Variants in VAV3 observed in about 807,000 individuals in gnomAD.
The protein encoded by VAV3 is guanine nucleotide exchange factor VAV3.
A neutral mutation model predicts 131.2 loss-of-function variants in VAV3; 94 were observed. The ratio of observed to expected loss-of-function variants is 0.72; its 90% CI spans 0.61 to 0.85. VAV3 has a LOEUF of 0.85. Among genes scored for constraint, VAV3 ranks in the 40% least tolerant of loss-of-function variants. VAV3 has a pLI of 0.00. For missense variants in VAV3, 939 were observed against 1,002.7 expected, an observed-to-expected ratio of 0.94 and a Z score of 0.86; for synonymous variants, 349 against 342.0, an observed-to-expected ratio of 1.02 and a Z score of -0.22.
At chr1:107,638,051 C>T (rs1041411768) in intron 20 of VAV3, among the ~76,000 whole-genome samples, 2 of 152,130 alleles carry the variant, frequency 1.3e-5, no homozygotes, top group Non-Finnish European at 2.9e-5. Flanking sequence ...GAATAGAAGG[C>T]AATGTCCTCA....
At chr1:107,832,140 G>C (rs916715684) in intron 2 of VAV3, among the ~76,000 whole-genome samples, 1 of 152,206 alleles carries the variant, frequency 6.6e-6, no homozygotes, top group Non-Finnish European at 1.5e-5. Context: ...GCAAGGACTT[G>C]GCAGCCATGG....
rs578059894 is a variant in VAV3, at chr1:107,925,753, T to C, written c.204+38913A>G. Among the ~76,000 whole-genome samples, 278 of 152,180 alleles carry C rather than the reference T, an allele frequency of 1.8e-3. 2 individuals are homozygous for C. The highest frequency in any genetic ancestry group is 3.3e-3 in the Non-Finnish European group (227 of 68,014). On this transcript the variant is annotated intron_variant, in intron 1 of 26. Transcript: ENST00000370056. ...TGGGAAGATGAGCTCTGGAGATGAA[T>C]TGTGGTGATGATTGCACAACAATGT...
At chr1:107,691,776 T>A (rs1659440072) in intron 17 of VAV3, among the ~76,000 whole-genome samples, 1 of 152,170 alleles carries the variant, frequency 6.6e-6, no homozygotes, top group Non-Finnish European at 1.5e-5. Context: ...ACTGGCTTAA[T>A]ATAATTCTGA....
chr1:107,836,065 G>A (rs1434715028), intron 2 of VAV3, among the ~76,000 whole-genome samples: 1 of 152,140 alleles, frequency 6.6e-6, no homozygotes, highest in African/African-American at 2.4e-5. Context: ...CGAAAAGACA[G>A]GCACAAAATA....
chr1:107,902,732 G>T (rs1283302295), intron 1 of VAV3, among the ~76,000 whole-genome samples: 1 of 152,080 alleles, frequency 6.6e-6, no homozygotes, highest in Non-Finnish European at 1.5e-5. Context: ...GTATCAACAA[G>T]AGAGGGGAAG....
intron 15 of VAV3, among the ~76,000 whole-genome samples, chr1:107,710,185 C>T (rs1017727291): frequency 6.6e-6 from 1 of 152,156 alleles, no homozygotes; most frequent in African/African-American, 2.4e-5. Flanking sequence ...TGACCAATTA[C>T]AGAGCAAATA....
At chr1:107,842,454 T>C (rs1014999179) in intron 2 of VAV3, among the ~76,000 whole-genome samples, 3 of 152,202 alleles carry the variant, frequency 2.0e-5, no homozygotes, top group Non-Finnish European at 4.4e-5. Context: ...AAACAGTGTA[T>C]AGTTGGGCCT....
At chr1:107,939,786 G>A (rs1001312459) in intron 1 of VAV3, among the ~76,000 whole-genome samples, 4 of 152,106 alleles carry the variant, frequency 2.6e-5, no homozygotes, top group Admixed American at 2.0e-4. Context: ...GGGAAGGAAG[G>A]AAGAAAAATA....
intron 2 of VAV3, among the ~76,000 whole-genome samples, chr1:107,780,570 C>T (rs1195796265): frequency 1.3e-5 from 2 of 152,104 alleles, no homozygotes; most frequent in Admixed American, 1.3e-4. Context: ...GGCTGGAGTA[C>T]AGTGGTGCGA....
At chr1:107,777,348 A>G (rs780356682) in intron 3 of VAV3, 52 bp from the exon 4 acceptor site, 76 of 1,524,000 alleles carry the variant, frequency 5.0e-5, no homozygotes, top group Non-Finnish European at 6.3e-6. Context: ...TGAGTGAACG[A>G]GCAACAATCA....
intron 2 of VAV3, among the ~76,000 whole-genome samples, chr1:107,792,458 C>T (rs1404709594): frequency 6.6e-6 from 1 of 152,090 alleles, no homozygotes; most frequent in Non-Finnish European, 1.5e-5. Flanking sequence ...CAGGTGTGCA[C>T]CAGAAACAGA....
rs370016412 is a variant in VAV3 at position 107,880,407 on chromosome 1, GACAGAAGGA to G, written c.205-5399_205-5391del. Among the ~76,000 whole-genome samples the G allele has an allele frequency of 4.1e-3, 624 of 152,270 alleles. 5 individuals are homozygous for G. Among genetic ancestry groups the G allele is most frequent in the African/African-American group, 0.014 (586 of 41,540 alleles). Reference sequence around the variant, plus strand: ...GGACACTTCTCTGGACAAGAGCGCTGACAGAAGGAACAGAAGAGGGGAGCTGGGATGTCC... The same window carrying G: ...GGACACTTCTCTGGACAAGAGCGCTGACAGAAGAGGGGAGCTGGGATGTCC... On this transcript the variant is annotated intron_variant, in intron 1 of 26. Transcript: ENST00000370056.
At chr1:107,776,161 GC>G (rs1665346111) in intron 4 of VAV3, among the ~76,000 whole-genome samples, 1 of 152,134 alleles carries the variant, frequency 6.6e-6, no homozygotes, top group South Asian at 2.1e-4. Context: ...TATTATTATT[GC>G]CAGGTGTAAT....
chr1:107,577,676 C>T (rs1425162796), intron 25 of VAV3, among the ~76,000 whole-genome samples: 1 of 152,190 alleles, frequency 6.6e-6, no homozygotes, highest in Admixed American at 6.5e-5. Flanking sequence ...AAGCTACTAT[C>T]TTGGTTCATG....
chr1:107,961,411 T>G (rs376358720), intron 1 of VAV3, among the ~76,000 whole-genome samples: 2 of 152,126 alleles, frequency 1.3e-5, no homozygotes, highest in Admixed American at 1.3e-4. Flanking sequence ...CTATCACCAG[T>G]AGGCTCTTCT....
chr1:107,665,275 T>C (rs1657332205), intron 19 of VAV3, among the ~76,000 whole-genome samples: 1 of 152,122 alleles, frequency 6.6e-6, no homozygotes, highest in South Asian at 2.1e-4. Flanking sequence ...TTGAGAGTGG[T>C]TCATGTCAGG....
At chr1:107,937,870 T>C (rs1407151941) in intron 1 of VAV3, among the ~76,000 whole-genome samples, 1 of 152,214 alleles carries the variant, frequency 6.6e-6, no homozygotes, top group African/African-American at 2.4e-5. Context: ...TACACTAACA[T>C]GTCTAGTCCT....
intron 1 of VAV3, among the ~76,000 whole-genome samples, chr1:107,938,124 T>C (rs1673811068): frequency 6.6e-6 from 1 of 152,134 alleles, no homozygotes; most frequent in Admixed American, 6.5e-5. Flanking sequence ...CTCAGGGCTA[T>C]AGGTATTCTT....
At chr1:107,665,802 C>T (rs1337968332) in intron 19 of VAV3, among the ~76,000 whole-genome samples, 2 of 152,148 alleles carry the variant, frequency 1.3e-5, no homozygotes, top group Non-Finnish European at 1.5e-5. Context: ...TGCTGCATAC[C>T]TACTAGGTCG....
Sources: gnomAD v4.1 joint callset for allele counts (sites outside exome capture counted in the v4.1 genomes callset) on GRCh38, gnomAD v4.1.1 for gene constraint, MANE v1.5 for transcripts, NCBI Gene and HGNC (gene_info 2026-07-23, HGNC 2026-07-21) for gene names.